SMCR8: variants seen among roughly 807,000 people sequenced by gnomAD.
SMCR8 encodes the protein SMCR8-C9orf72 complex subunit.
Under a neutral mutation model 56.6 loss-of-function variants are expected in SMCR8, and 30 were observed. The ratio of observed to expected loss-of-function variants is 0.53; its 90% CI spans 0.40 to 0.72. SMCR8 has a LOEUF of 0.72. Ranked by LOEUF, SMCR8 falls within the 30% of genes least tolerant of loss-of-function variation. SMCR8 has a pLI of 0.00. For synonymous variants in SMCR8, 538 were observed against 456.0 expected (o/e 1.18, Z -2.29); for missense variants, 1,198 against 1,157.0 (o/e 1.04, Z -0.51).
intron 1 of SMCR8, among the ~76,000 whole-genome samples, chr17:18,318,968 C>T (rs1202040108): frequency 6.6e-6 from 1 of 152,214 alleles, no homozygotes; most frequent in African/African-American, 2.4e-5. Flanking sequence ...GCATCCTACA[C>T]AGGCATGAGG....
chr17:18,319,279 C>T (rs747266037), intron 1 of SMCR8, among the ~76,000 whole-genome samples: 25 of 152,262 alleles, frequency 1.6e-4, no homozygotes, highest in Non-Finnish European at 2.4e-4. Flanking sequence ...TGAGAGCCAT[C>T]GGAAGGGTCC....
rs1259478624 is a variant in SMCR8 at position 18,325,456 on chromosome 17, C to T, written c.*2386C>T. ...AGTGGCAAGCAGGGCTGGTCTCCCT[C>T]AAGGTGGTTCTTCATTAAGTAAAGA... On this transcript the variant is annotated 3_prime_UTR_variant, in exon 2 of 2. Transcript: ENST00000406438. 3.9e-5 allele frequency: 6 copies of T among 152,250 alleles called. No individual in the cohort carries two copies. Among genetic ancestry groups the T allele is most frequent in the Non-Finnish European group, 7.3e-5 (5 of 68,052 alleles). The allele number at this position is 152,250 out of a possible 1,614,324, so 9.4% of individuals were successfully genotyped here.
Position 18,323,187 on chromosome 17 carries a change from A to G in SMCR8, c.*117A>G, listed in dbSNP as rs1447549495. ...GTTTAAGTTTCTGGTGTCTGGCAGC[A>G]TGGTTCCCACGTGGCTCCTAGTAGT... On this transcript the variant is annotated 3_prime_UTR_variant, in exon 2 of 2. Coordinates refer to ENST00000406438, the MANE Select transcript of SMCR8 (RefSeq NM_144775.3). The G allele has an allele frequency of 3.3e-6, 3 of 915,338 alleles. No individual in the cohort carries two copies. In the Admixed American group the frequency reaches 8.3e-5, roughly 25 times the overall value. The allele number at this position is 915,338 out of a possible 1,614,324, so 56.7% of individuals were successfully genotyped here. A position where few individuals can be genotyped will look rare whatever the true frequency, so the allele number is the denominator to read the frequency against.
At position 18,316,158 on chromosome 17, in the gene SMCR8, G is replaced by A. The variant is rs775594385; in HGVS notation, c.369G>A (p.Val123=). The change falls in exon 1 of 2, where the codon GTG becomes GTA. Residue 123 remains valine (V), a synonymous_variant. Coordinates refer to ENST00000406438, the MANE Select transcript of SMCR8 (RefSeq NM_144775.3). ...PKLNFVEDSK[V]VLGDSKEGAF... ...TGAACTTCGTGGAGGACTCCAAGGTGGTGCTGGGAGATTCTAAGGAGGGCG... is the reference window on the plus strand; with the variant it reads ...TGAACTTCGTGGAGGACTCCAAGGTAGTGCTGGGAGATTCTAAGGAGGGCG... 4.1e-5 allele frequency: 66 copies of A among 1,614,044 alleles called. No individual in the cohort carries two copies. The highest frequency in any genetic ancestry group is 5.1e-5 in the Non-Finnish European group (60 of 1,180,050).
Position 18,316,594 on chromosome 17 carries a change from G to C in SMCR8, c.805G>C (p.Gly269Arg), listed in dbSNP as rs370569271. 4 of 1,614,088 alleles carry C rather than the reference G, an allele frequency of 2.5e-6. No homozygotes were observed. The highest frequency in any genetic ancestry group is 3.4e-6 in the Non-Finnish European group (4 of 1,180,048). ...RKLKGHDLCP[G>R]EMEHIQDQAS... The stretch of plus-strand genomic sequence containing the variant: ...GTTGAAGGGGCATGATTTGTGTCCT[G>C]GTGAGATGGAGCACATCCAGGATCA... Residue 269 changes from glycine (G) to arginine (R), a missense_variant, in exon 1 of 2, where the codon GGT (glycine) becomes CGT (arginine). Coordinates refer to ENST00000406438, the MANE Select transcript of SMCR8 (RefSeq NM_144775.3).
intron 1 of SMCR8, among the ~76,000 whole-genome samples, chr17:18,319,233 A>G (rs4924845): frequency 0.35 from 52,549 of 152,042 alleles, 9,767 homozygotes; most frequent in African/African-American, 0.47. Flanking sequence ...TCACCCAATC[A>G]TGTTGAACAC....
At position 18,322,996 on chromosome 17, in the gene SMCR8, A is replaced by G. The variant is rs768160646; in HGVS notation, c.2740A>G (p.Met914Val). The change falls in exon 2 of 2, where the codon ATG becomes GTG. Residue 914 changes from methionine to valine, a missense_variant. Physicochemically the swap from Met to Val is conservative, Grantham distance 21 (BLOSUM62 1). Transcript: ENST00000406438. Reference sequence around the variant, plus strand: ...GGCTGAGCTGCTGAAGCTGCACTACATGCAGGAATCTCCAGGGACCAGCCA... The same window carrying G: ...GGCTGAGCTGCTGAAGCTGCACTACGTGCAGGAATCTCCAGGGACCAGCCA... ...YLAELLKLHY[M>V]QESPGTSHPM... is the part of the protein sequence containing the mutation. 1.2e-6 allele frequency: 2 copies of G among 1,614,210 alleles called. No homozygotes were observed. Among genetic ancestry groups the G allele is most frequent in the Non-Finnish European group, 1.7e-6 (2 of 1,180,032 alleles).
In SMCR8 at chr17:18,322,755, C is replaced by A. The variant is rs1193863936; in HGVS notation, c.2499C>A (p.His833Gln). 2.5e-6 allele frequency: 4 copies of A among 1,614,116 alleles called. No individual in the cohort carries two copies. The highest frequency in any genetic ancestry group is 3.4e-6 in the Non-Finnish European group (4 of 1,180,036). Residue 833 changes from histidine to glutamine, a missense_variant, in exon 2 of 2, where the codon CAC becomes CAA. His to Gln is a conservative substitution (Grantham distance 24, BLOSUM62 0). Transcript: ENST00000406438. The part of the protein sequence containing the change: ...RGTLVPRLAD[H>Q]RTQIKRGSTY... ...CCCTGGTGCCCCGCCTGGCAGACCA[C>A]CGCACACAGATCAAGCGGGGCAGCA...
rs749292840 is a variant in SMCR8 at position 18,316,957 on chromosome 17, C to T, written c.1168C>T (p.Pro390Ser). 22 of 1,614,052 alleles carry T rather than the reference C, an allele frequency of 1.4e-5. No homozygotes were observed. Among genetic ancestry groups the T allele is most frequent in the South Asian group, 3.3e-5 (3 of 91,086 alleles). Residue 390 changes from proline to serine, a missense_variant, in exon 1 of 2, where the codon CCC becomes TCC. Pro to Ser is a moderately conservative substitution (Grantham distance 74). Coordinates refer to ENST00000406438, the MANE Select transcript of SMCR8 (RefSeq NM_144775.3). ...GATGGTGGAGAAACAAGAAAGCATA[C>T]CCTCTAAGCCCAGTCAAGACAGGCC... ...DRMVEKQESI[P>S]SKPSQDRPPS...
chr17:18,317,538 C>G lies in SMCR8; in HGVS notation c.1749C>G (p.Ser583=), dbSNP rs769691015. The change falls in exon 1 of 2, where the codon TCC becomes TCG. Residue 583 remains serine, a synonymous_variant. Coordinates refer to ENST00000406438, the MANE Select transcript of SMCR8 (RefSeq NM_144775.3). ...SIENTPSQID[S]SCCIGKESDG... is the part of the protein sequence containing the mutation. ...AAAACACCCCATCACAAATAGACTCCTCCTGCTGTATTGGGAAGGAGAGCG... is the reference window on the plus strand; with the variant it reads ...AAAACACCCCATCACAAATAGACTCGTCCTGCTGTATTGGGAAGGAGAGCG... The G allele has an allele frequency of 6.2e-7, 1 of 1,614,138 alleles. No individual in the cohort carries two copies. Among genetic ancestry groups the G allele is most frequent in the South Asian group, 1.1e-5 (1 of 91,088 alleles).
At position 18,322,885 on chromosome 17, in the gene SMCR8, G is replaced by C; in HGVS notation, c.2629G>C (p.Glu877Gln). Residue 877 changes from glutamate (E) to glutamine (Q), a missense_variant, in exon 2 of 2, where the codon GAG becomes CAG. Transcript: ENST00000406438. ...CCTGCCTACCCACGACAAGGAGACA[G>C]AGGAGCTGGTAGCCAGCCGCCAGAT... ...LHLPTHDKET[E>Q]ELVASRQMSF... 2 of 1,614,152 alleles carry C rather than the reference G, an allele frequency of 1.2e-6. No homozygotes were observed. Among genetic ancestry groups the C allele is most frequent in the Non-Finnish European group, 8.5e-7 (1 of 1,179,986 alleles).
At position 18,326,044 on chromosome 17, in the gene SMCR8, CAA is replaced by C. The variant is rs1982641202; in HGVS notation, c.*2975_*2976del. On this transcript the variant is annotated 3_prime_UTR_variant, in exon 2 of 2. Coordinates refer to ENST00000406438, the MANE Select transcript of SMCR8 (RefSeq NM_144775.3). ...CGCCACTGCACTCCACCCTGGGCAA[CAA>C]GAGCGAAAACTGTCTCAAAAAAAAA... 6.6e-6 allele frequency: 1 copy of C among 151,720 alleles called. No individual in the cohort carries two copies. Among genetic ancestry groups the C allele is most frequent in the African/African-American group, 2.4e-5 (1 of 41,262 alleles). 9.4% of individuals were successfully genotyped at this position (151,720 alleles called of 1,614,324 possible).
rs575638776 is a variant in SMCR8, at chr17:18,315,427, G to T, written c.-363G>T. ...CCCCTGCGGCGTCCCGTAGCCTCGCGTTAAGCCTTGTTCAGAGCGGGGGCT... is the reference window on the plus strand; with the variant it reads ...CCCCTGCGGCGTCCCGTAGCCTCGCTTTAAGCCTTGTTCAGAGCGGGGGCT... On this transcript the variant is annotated 5_prime_UTR_variant, in exon 1 of 2. Transcript: ENST00000406438. 144 of 189,228 alleles carry T rather than the reference G, an allele frequency of 7.6e-4. 1 individual carries two copies. The highest frequency in any genetic ancestry group is 7.3e-4 in the Non-Finnish European group (66 of 90,094). The allele number at this position is 189,228 out of a possible 1,614,324, so 11.7% of individuals were successfully genotyped here. A position where few individuals can be genotyped will look rare whatever the true frequency, so the allele number is the denominator to read the frequency against.
In SMCR8 at chr17:18,317,718, T is replaced by G. The variant is rs773779712; in HGVS notation, c.1929T>G (p.Ser643Arg). 21 of 1,613,918 alleles carry G rather than the reference T, an allele frequency of 1.3e-5. No individual in the cohort carries two copies. Among genetic ancestry groups the G allele is most frequent in the Non-Finnish European group, 1.5e-5 (18 of 1,180,016 alleles). Residue 643 changes from serine to arginine, a missense_variant, in exon 1 of 2, where the codon AGT (serine) becomes AGG (arginine). Coordinates refer to ENST00000406438, the MANE Select transcript of SMCR8 (RefSeq NM_144775.3). The stretch of plus-strand genomic sequence containing the variant: ...CCAACCCTTCTTCCCGAGACAACAG[T>G]TGTGAAGGGTTTCCCGCTTATGAGC... ...ENANPSSRDN[S>R]CEGFPAYELD...
At position 18,326,268 on chromosome 17, in the gene SMCR8, C is replaced by T. The variant is rs1982650612; in HGVS notation, c.*3198C>T. 6.6e-6 allele frequency: 1 copy of T among 152,148 alleles called. No homozygotes were observed. The highest frequency in any genetic ancestry group is 2.4e-5 in the African/African-American group (1 of 41,414). 9.4% of individuals were successfully genotyped at this position (152,148 alleles called of 1,614,324 possible). ...GTCAGCTTTTTCTCCAGTCCATTAT[C>T]CCCCTCCCTTGCTTCTGAAGCAGTC... On this transcript the variant is annotated 3_prime_UTR_variant, in exon 2 of 2. Transcript: ENST00000406438.
Position 18,317,090 on chromosome 17 carries a change from G to C in SMCR8, c.1301G>C (p.Gly434Ala). The change falls in exon 1 of 2, where the codon GGA becomes GCA. Residue 434 changes from glycine (G) to alanine (A), a missense_variant. Coordinates refer to ENST00000406438, the MANE Select transcript of SMCR8 (RefSeq NM_144775.3). ...SVLIKMEQELGDEEYKEVEVT... is the reference protein window; with the variant it reads ...SVLIKMEQELADEEYKEVEVT... ...TTGATCAAGATGGAGCAGGAACTGG[G>C]AGATGAGGAGTACAAGGAAGTGGAA... The C allele has an allele frequency of 6.2e-7, 1 of 1,614,178 alleles. No homozygotes were observed. The highest frequency in any genetic ancestry group is 8.5e-7 in the Non-Finnish European group (1 of 1,180,032).
In SMCR8 at chr17:18,315,863, C is replaced by T. The variant is rs762845860; in HGVS notation, c.74C>T (p.Ala25Val). The T allele has an allele frequency of 6.2e-7, 1 of 1,613,880 alleles. No homozygotes were observed. The highest frequency in any genetic ancestry group is 1.7e-5 in the Admixed American group (1 of 59,996). Residue 25 changes from alanine to valine, a missense_variant, in exon 1 of 2, where the codon GCC becomes GTC. Coordinates refer to ENST00000406438, the MANE Select transcript of SMCR8 (RefSeq NM_144775.3). ...EYEEEPYNEP[A>V]LPEEYSVPLF... The stretch of plus-strand genomic sequence containing the variant: ...GAAGAAGAGCCTTACAATGAGCCGG[C>T]CCTGCCTGAGGAGTACTCGGTGCCG...
At chr17:18,320,927 C>T (rs1982478974) in intron 1 of SMCR8, among the ~76,000 whole-genome samples, 1 of 152,222 alleles carries the variant, frequency 6.6e-6, no homozygotes, top group African/African-American at 2.4e-5. Flanking sequence ...CAACTACAGC[C>T]TCTCCCAGGG....
chr17:18,323,379 C>A lies in SMCR8; in HGVS notation c.*309C>A. The A allele has an allele frequency of 2.7e-6, 1 of 371,374 alleles. No individual in the cohort carries two copies. 23.0% of individuals were successfully genotyped at this position (371,374 alleles called of 1,614,324 possible). A position where few individuals can be genotyped will look rare whatever the true frequency, so the allele number is the denominator to read the frequency against. On this transcript the variant is annotated 3_prime_UTR_variant, in exon 2 of 2. Transcript: ENST00000406438. ...AGGGCAGAAGGGAAGCCACCAGTCC[C>A]TTGGTGGGGCAGGGTGAGGGCAGGA...
Sources: gnomAD v4.1 joint callset for allele counts (sites outside exome capture counted in the v4.1 genomes callset) on GRCh38, gnomAD v4.1.1 for gene constraint, MANE v1.5 for transcripts, NCBI Gene and HGNC (gene_info 2026-07-23, HGNC 2026-07-21) for gene names.